Variants in SORL1 observed in about 807,000 individuals in gnomAD.
SORL1 encodes sortilin related receptor 1, also known as sortilin-related receptor.
In SORL1, 127 loss-of-function variants were observed where a neutral mutation model predicts 273.7. That is an observed-to-expected ratio of 0.46 (90% confidence interval 0.40 to 0.54). The LOEUF is 0.54. Among genes scored for constraint, SORL1 ranks in the 20% least tolerant of loss-of-function variants. The pLI is 0.00. For missense variants in SORL1, 2,494 were observed against 2,846.1 expected (o/e 0.88, Z 2.81); for synonymous variants, 1,031 against 1,067.4 (o/e 0.97, Z 0.66).
At chr11:121,503,906 A>T (rs1861749784) in intron 6 of SORL1, among the ~76,000 whole-genome samples, 1 of 152,184 alleles carries the variant, frequency 6.6e-6, no homozygotes, top group South Asian at 2.1e-4. Context: ...CAGCTTGTCA[A>T]TTTTTTGCCA....
At chr11:121,567,134 T>C in intron 22 of SORL1, 21 bp downstream of exon 22, 1 of 1,600,882 alleles carries the variant, frequency 6.2e-7, no homozygotes, top group African/African-American at 1.3e-5. Context: ...TTTTCTTTTT[T>C]GCCTGTCATC....
Position 121,583,480 on chromosome 11 carries a change from C to T in SORL1, c.3603C>T (p.Ala1201=), listed in dbSNP as rs749620817. The T allele has an allele frequency of 6.8e-6, 11 of 1,612,944 alleles. No individual in the cohort carries two copies. Among genetic ancestry groups the T allele is most frequent in the Non-Finnish European group, 8.5e-6 (10 of 1,179,504 alleles). Residue 1201 remains alanine (A), a synonymous_variant, in exon 26 of 48, where the codon GCC becomes GCT. Coordinates refer to ENST00000260197, the MANE Select transcript of SORL1 (RefSeq NM_003105.6). ...NCTAIYHTCE[A]SNFQCRNGHC... Reference sequence around the variant, plus strand: ...CAGCCATCTATCACACCTGTGAGGCCTCCAACTTCCAGTGCCGAAACGGGC... The same window carrying T: ...CAGCCATCTATCACACCTGTGAGGCTTCCAACTTCCAGTGCCGAAACGGGC...
Position 121,606,826 on chromosome 11 carries a change from G to C in SORL1, c.4949-19G>C. On this transcript the variant is annotated intron_variant, in intron 35 of 47. Transcript: ENST00000260197. The stretch of plus-strand genomic sequence containing the variant: ...TGCTATGCAGATGGGTTTTAACCTT[G>C]AGTTGACTCTTTTTCTAGTGCCAGA... 1 of 1,512,478 alleles carries C rather than the reference G, an allele frequency of 6.6e-7. No homozygotes were observed. 93.7% of individuals were successfully genotyped at this position (1,512,478 alleles called of 1,614,324 possible).
intron 47 of SORL1, among the ~76,000 whole-genome samples, chr11:121,628,621 TAAG>T (rs1863832350): frequency 6.6e-6 from 1 of 152,150 alleles, no homozygotes; most frequent in Non-Finnish European, 1.5e-5. Flanking sequence ...AGGGAAAAAG[TAAG>T]AAGTTTCCCG....
chr11:121,574,459 C>G, intron 24 of SORL1, 96 bp downstream of exon 24: 1 of 1,149,784 alleles, frequency 8.7e-7, no homozygotes, highest in South Asian at 1.5e-5. Flanking sequence ...TTTCTGATAG[C>G]CGTCTCAGGA....
rs1863776544 is a variant in SORL1, at chr11:121,625,156, C to T, written c.6243C>T (p.Phe2081=). Residue 2081 remains phenylalanine, a synonymous_variant, in exon 46 of 48, where the codon TTC becomes TTT. Transcript: ENST00000260197. ...ACCTTGGGAATACTACTGACAATTT[C>T]TTTAAAATTTCCAACCTGAAGATGG... The part of the protein sequence containing the change: ...TAYLGNTTDN[F]FKISNLKMGH... 2 of 1,613,732 alleles carry T rather than the reference C, an allele frequency of 1.2e-6. No individual in the cohort carries two copies. Among genetic ancestry groups the T allele is most frequent in the Non-Finnish European group, 1.7e-6 (2 of 1,179,646 alleles).
At chr11:121,557,519 T>C (rs1862609523) in intron 19 of SORL1, 114 bp downstream of exon 19, 1 of 826,882 alleles carries the variant, frequency 1.2e-6, no homozygotes, top group East Asian at 2.5e-5. Flanking sequence ...GTGGTTGAAA[T>C]GGTCTATTAA....
At chr11:121,525,596 A>G (rs1247382647) in intron 11 of SORL1, among the ~76,000 whole-genome samples, 3 of 152,224 alleles carry the variant, frequency 2.0e-5, no homozygotes, top group Non-Finnish European at 4.4e-5. Context: ...ACTTGGTATG[A>G]TTAGTCTTTT....
Position 121,554,101 on chromosome 11 carries a change from G to A in SORL1, c.2431G>A (p.Val811Ile), listed in dbSNP as rs752815831. Residue 811 changes from valine (V) to isoleucine (I), a missense_variant, in exon 17 of 48, where the codon GTC (valine) becomes ATC (isoleucine). Val to Ile is a conservative substitution (Grantham distance 29). Coordinates refer to ENST00000260197, the MANE Select transcript of SORL1 (RefSeq NM_003105.6). This position sits in a 1 kb window ranked among gnomAD's most constrained non-coding sequence, Gnocchi z 4.6. ...CLYWSDLALD[V>I]IQRLCLNGST... ...GTATTGGTCCGACCTGGCCTTGGACGTCATCCAGGTGAGTCAGCGCTTGGT... is the reference window on the plus strand; with the variant it reads ...GTATTGGTCCGACCTGGCCTTGGACATCATCCAGGTGAGTCAGCGCTTGGT... 11 of 1,613,752 alleles carry A rather than the reference G, an allele frequency of 6.8e-6. 1 individual carries two copies. Among genetic ancestry groups the A allele is most frequent in the South Asian group, 3.3e-5 (3 of 91,034 alleles).
rs1163584233 is a variant in SORL1 at position 121,481,152 on chromosome 11, T to C, written c.528+2909T>C. ...AGACTCCATCTCTTCTTCCCCAGCT[T>C]CTTCCGTAGTGCACAGATACCTATA... On this transcript the variant is annotated intron_variant, in intron 3 of 47. Transcript: ENST00000260197. Among the ~76,000 whole-genome samples the C allele has an allele frequency of 1.6e-4, 17 of 107,250 alleles. 1 individual carries two copies. Among genetic ancestry groups the C allele is most frequent in the Non-Finnish European group, 2.3e-4 (12 of 52,576 alleles). 70.4% of individuals were successfully genotyped at this position (107,250 alleles called of 152,430 possible).
rs1255216452 is a variant in SORL1 at position 121,496,935 on chromosome 11, C to T, written c.825C>T (p.Ser275=). The change falls in exon 6 of 48, where the codon TCC becomes TCT. Residue 275 remains serine, a synonymous_variant. Transcript: ENST00000260197. ...AACGACATGAACCCTCTGGCTACTC[C>T]ACTGTCTTCCGAAGTACAGATTTCT... ...YIERHEPSGY[S]TVFRSTDFFQ... 1 of 1,613,824 alleles carries T rather than the reference C, an allele frequency of 6.2e-7. No homozygotes were observed. The highest frequency in any genetic ancestry group is 8.5e-7 in the Non-Finnish European group (1 of 1,179,908).
At chr11:121,622,102 GA>G (rs1863731131) in intron 44 of SORL1, 59 bp from the exon 45 acceptor site, 1 of 969,154 alleles carries the variant, frequency 1.0e-6, no homozygotes, top group African/African-American at 1.6e-5. Flanking sequence ...TGATAGACAA[GA>G]AAATAGAGTT....
chr11:121,465,274 T>C (rs1288846419), intron 1 of SORL1, among the ~76,000 whole-genome samples: 1 of 152,220 alleles, frequency 6.6e-6, no homozygotes, highest in African/African-American at 2.4e-5. Flanking sequence ...ATGCAATATG[T>C]GACCTTTTGT....
At chr11:121,588,224 G>A (rs1863151191) in intron 28 of SORL1, 73 bp downstream of exon 28, 13 of 1,558,182 alleles carry the variant, frequency 8.3e-6, no homozygotes, top group Non-Finnish European at 1.1e-5. Context: ...CCACCCTGGG[G>A]TTGTGTCTCT....
At chr11:121,516,929 A>G (rs569483599) in intron 8 of SORL1, among the ~76,000 whole-genome samples, 4 of 152,092 alleles carry the variant, frequency 2.6e-5, no homozygotes, top group Admixed American at 2.0e-4. Flanking sequence ...GCACGTACCT[A>G]TAGTCCCAGC....
chr11:121,568,201 T>C (rs1862780963), intron 22 of SORL1, among the ~76,000 whole-genome samples: 1 of 152,198 alleles, frequency 6.6e-6, no homozygotes, highest in East Asian at 1.9e-4. Context: ...TGCTTTGTAA[T>C]CCTAACCCTG....
Position 121,452,641 on chromosome 11 carries a change from C to A in SORL1, c.285+25C>A. On this transcript the variant is annotated intron_variant, in intron 1 of 47. Coordinates refer to ENST00000260197, the MANE Select transcript of SORL1 (RefSeq NM_003105.6). The surrounding 1 kb of genome is among the most constrained non-coding windows in gnomAD (Gnocchi z 5.3). ...GGTGAGCAGTTTTGCAACCCGCCTC[C>A]CTCCAGTTTTTTCCTCTCCCTGCAC... is the stretch of plus-strand genomic sequence containing the variant. 1 of 1,433,406 alleles carries A rather than the reference C, an allele frequency of 7.0e-7. No homozygotes were observed. The highest frequency in any genetic ancestry group is 1.4e-5 in the South Asian group (1 of 69,706). The allele number at this position is 1,433,406 out of a possible 1,614,324, so 88.8% of individuals were successfully genotyped here.
chr11:121,527,556 G>A (rs1309789206), intron 11 of SORL1, among the ~76,000 whole-genome samples: 2 of 151,994 alleles, frequency 1.3e-5, no homozygotes, highest in African/African-American at 4.8e-5. Context: ...TTAGGACAAA[G>A]TTTGGTGTTA....
intron 11 of SORL1, among the ~76,000 whole-genome samples, chr11:121,523,976 G>A (rs946990631): frequency 6.6e-6 from 1 of 152,194 alleles, no homozygotes; most frequent in Non-Finnish European, 1.5e-5. Context: ...GTTCACAGAG[G>A]CCTGTCACAA....
Sources: allele counts gnomAD v4.1 joint callset (sites outside exome capture counted in the v4.1 genomes callset), GRCh38; gene constraint gnomAD v4.1.1; non-coding constraint Gnocchi (gnomAD v3.1); transcripts MANE v1.5; gene names NCBI Gene and HGNC (gene_info 2026-07-23, HGNC 2026-07-21).